Variants in NKAIN3 observed in about 807,000 individuals in gnomAD.
The protein encoded by NKAIN3 is sodium/potassium-transporting ATPase subunit beta-1-interacting protein 3.
In NKAIN3, 25 loss-of-function variants were observed where a neutral mutation model predicts 30.2. The observed-to-expected ratio is 0.83, with a 90% CI of 0.60 to 1.16. NKAIN3 has a LOEUF of 1.16. NKAIN3 is among the 50% of genes most tolerant of loss of function. The pLI, the probability that NKAIN3 is intolerant of heterozygous loss-of-function variation, is 0.00. For synonymous variants in NKAIN3, 91 were observed against 89.6 expected (o/e 1.02, Z -0.09); for missense variants, 225 against 254.1 (o/e 0.89, Z 0.78).
chr8:62,254,021 G>C (rs1243162014), intron 1 of NKAIN3, among the ~76,000 whole-genome samples: 1 of 152,042 alleles, frequency 6.6e-6, no homozygotes, highest in Non-Finnish European at 1.5e-5. Flanking sequence ...AAACTTAAAG[G>C]TTAGTGAAAT....
chr8:62,426,616 C>T (rs554336583), intron 1 of NKAIN3, among the ~76,000 whole-genome samples: 1 of 152,058 alleles, frequency 6.6e-6, no homozygotes, highest in East Asian at 1.9e-4. Context: ...ATCTGCAGTG[C>T]TTTCCCAAAC....
Position 62,670,224 on chromosome 8 carries a change from A to G in NKAIN3, c.274-76708A>G, listed in dbSNP as rs533981035. Among the ~76,000 whole-genome samples, 8 of 152,214 alleles carry G rather than the reference A, an allele frequency of 5.3e-5. No individual in the cohort carries two copies. In the South Asian group the frequency reaches 1.2e-3, roughly 24 times the overall value. On this transcript the variant is annotated intron_variant, in intron 3 of 6. Coordinates refer to ENST00000623646, the MANE Select transcript of NKAIN3 (RefSeq NM_001304533.3). ...TTCTCTCTTATGAGGCCCATTTTTT[A>G]TTATGTGTGTGTGGCTTCAGGGGCT... is the stretch of plus-strand genomic sequence containing the variant.
At chr8:62,715,803 G>A (rs944658630) in intron 3 of NKAIN3, among the ~76,000 whole-genome samples, 1 of 152,146 alleles carries the variant, frequency 6.6e-6, no homozygotes, top group Non-Finnish European at 1.5e-5. Flanking sequence ...TGGGATAATA[G>A]GTTTACCCTT....
At chr8:62,331,202 C>G (rs1815346549) in intron 1 of NKAIN3, among the ~76,000 whole-genome samples, 1 of 148,950 alleles carries the variant, frequency 6.7e-6, no homozygotes, top group Non-Finnish European at 1.5e-5. Flanking sequence ...CTACTGGGGT[C>G]ACTTATGTAC....
chr8:62,528,312 TATATATTATATAATATATATATTATATAA>T (rs1808375043), intron 1 of NKAIN3, among the ~76,000 whole-genome samples: 1 of 95,298 alleles, frequency 1.0e-5, no homozygotes, highest in African/African-American at 4.4e-5. Flanking sequence ...ATATTATATA[TATATATTATATAATATATATATTATATAA>T]TATATATATA....
intron 5 of NKAIN3, chr8:62,990,352 TA>T (rs745426038): frequency 5.3e-5 from 70 of 1,326,196 alleles, no homozygotes; most frequent in Non-Finnish European, 6.6e-5. Flanking sequence ...AACATCTTCC[TA>T]ATCTTTCTAG....
intron 3 of NKAIN3, among the ~76,000 whole-genome samples, chr8:62,648,544 A>C (rs1404107848): frequency 6.6e-6 from 1 of 152,142 alleles, no homozygotes; most frequent in Admixed American, 6.5e-5. Context: ...AAAGTCAAGA[A>C]AGTAAATACA....
chr8:62,744,724 C>T (rs2130578377), intron 3 of NKAIN3, among the ~76,000 whole-genome samples: 1 of 152,272 alleles, frequency 6.6e-6, no homozygotes, highest in South Asian at 2.1e-4. Context: ...TTGCGTTAAA[C>T]TGAATTTGGT....
intron 4 of NKAIN3, among the ~76,000 whole-genome samples, chr8:62,801,158 C>A (rs1372062417): frequency 6.6e-6 from 1 of 152,348 alleles, no homozygotes; most frequent in African/African-American, 2.4e-5. Context: ...GGAGGCCTGC[C>A]TGCCTCTGTA....
At chr8:62,746,857 C>G in intron 3 of NKAIN3, 75 bp from the exon 4 acceptor site, 1 of 1,054,770 alleles carries the variant, frequency 9.5e-7, no homozygotes, top group Admixed American at 2.0e-5. Context: ...ACCCTGAATT[C>G]TTCCTAAGGT....
Position 62,979,076 on chromosome 8 carries a change from G to C in NKAIN3, c.*13669G>C, listed in dbSNP as rs1385681663. 1 of 152,292 alleles carries C rather than the reference G, an allele frequency of 6.6e-6. No homozygotes were observed. Among genetic ancestry groups the C allele is most frequent in the African/African-American group, 2.4e-5 (1 of 41,384 alleles). The allele number at this position is 152,292 out of a possible 1,614,324, so 9.4% of individuals were successfully genotyped here. A position where few individuals can be genotyped will look rare whatever the true frequency, so the allele number is the denominator to read the frequency against. On this transcript the variant is annotated 3_prime_UTR_variant, in exon 7 of 7. Transcript: ENST00000623646. The stretch of plus-strand genomic sequence containing the variant: ...CTAACCAGTCCCAGTGAGATGAACC[G>C]AGTACCTCAGTTGGAAATGCAGAAA...
intron 1 of NKAIN3, among the ~76,000 whole-genome samples, chr8:62,371,737 G>A (rs1485670182): frequency 6.6e-6 from 1 of 151,698 alleles, no homozygotes; most frequent in African/African-American, 2.4e-5. Flanking sequence ...TAAATAATTT[G>A]TACTTAATAT....
At chr8:62,907,401 C>A (rs1821808856) in intron 4 of NKAIN3, among the ~76,000 whole-genome samples, 1 of 152,132 alleles carries the variant, frequency 6.6e-6, no homozygotes, top group Non-Finnish European at 1.5e-5. Flanking sequence ...AAAGCAAAAC[C>A]CATTTTCTGA....
chr8:62,479,709 C>T (rs955575868), intron 1 of NKAIN3, among the ~76,000 whole-genome samples: 2 of 152,090 alleles, frequency 1.3e-5, no homozygotes, highest in Non-Finnish European at 2.9e-5. Flanking sequence ...TATCTATGGC[C>T]TCTGTGATCC....
At chr8:62,769,715 A>G (rs1034917946) in intron 4 of NKAIN3, among the ~76,000 whole-genome samples, 7 of 152,196 alleles carry the variant, frequency 4.6e-5, no homozygotes, top group African/African-American at 1.7e-4. Context: ...CCCTAATTCA[A>G]TAAGCCTTCT....
chr8:62,783,427 A>G (rs1817419375), intron 4 of NKAIN3, among the ~76,000 whole-genome samples: 1 of 152,068 alleles, frequency 6.6e-6, no homozygotes, highest in Admixed American at 6.6e-5. Flanking sequence ...GCTGTGAGAA[A>G]TAAATCTCTG....
chr8:62,597,898 T>C (rs972512676), intron 3 of NKAIN3, among the ~76,000 whole-genome samples: 8 of 151,998 alleles, frequency 5.3e-5, no homozygotes, highest in African/African-American at 1.9e-4. Flanking sequence ...TTGTTCATTA[T>C]GTTTAACTTT....
At chr8:62,594,139 A>C (rs77076134) in intron 3 of NKAIN3, among the ~76,000 whole-genome samples, 2,590 of 152,066 alleles carry the variant, frequency 0.017, 76 homozygotes, top group African/African-American at 0.059. Flanking sequence ...GGACTTCAAA[A>C]AAAAGGTCAG....
chr8:62,318,310 C>T (rs1017495080), intron 1 of NKAIN3, among the ~76,000 whole-genome samples: 10 of 152,210 alleles, frequency 6.6e-5, no homozygotes, highest in South Asian at 6.2e-4. Context: ...ACGTCCAGCA[C>T]GTCCCATGTT....
Sources: allele counts gnomAD v4.1 joint callset (sites outside exome capture counted in the v4.1 genomes callset), GRCh38; gene constraint gnomAD v4.1.1; transcripts MANE v1.5; gene names NCBI Gene and HGNC (gene_info 2026-07-23, HGNC 2026-07-21).